The following HYDIN variants were observed in gnomAD, a reference collection of about 807,000 sequenced individuals.
HYDIN encodes the protein axonemal central pair apparatus protein HYDIN.
Under a neutral mutation model 403.9 loss-of-function variants are expected in HYDIN, and 132 were observed. The ratio of observed to expected loss-of-function variants is 0.33; its 90% CI spans 0.28 to 0.38. The LOEUF (loss-of-function observed/expected upper bound fraction) is 0.38, where lower values mean the gene tolerates loss of function less well. HYDIN is among the 10% of genes least tolerant of loss of function. The probability of loss-of-function intolerance (pLI) is 1.00; values close to 1 mark genes in which losing one functional copy is unlikely to be tolerated. For synonymous variants in HYDIN, 1,202 were observed against 1,891.7 expected, an observed-to-expected ratio of 0.64 and a Z score of 9.46; for missense variants, 2,827 against 5,009.5, an observed-to-expected ratio of 0.56 and a Z score of 13.15.
At chr16:70,832,607 G>C (rs1369914881) in intron 80 of HYDIN, among the ~76,000 whole-genome samples, 4 of 152,242 alleles carry the variant, frequency 2.6e-5, no homozygotes, top group Non-Finnish European at 5.9e-5. Context: ...CTTAGAATGT[G>C]ATCTAGCCAG....
At chr16:70,891,040 C>G (rs1056685345) in intron 57 of HYDIN, among the ~76,000 whole-genome samples, 9 of 151,436 alleles carry the variant, frequency 5.9e-5, no homozygotes, top group African/African-American at 1.9e-4. Context: ...ACCAGGACAA[C>G]AGACAAAATT....
At chr16:70,919,392 T>A (rs2076930430) in intron 46 of HYDIN, among the ~76,000 whole-genome samples, 1 of 151,740 alleles carries the variant, frequency 6.6e-6, no homozygotes, top group Non-Finnish European at 1.5e-5. Flanking sequence ...GGGAAGGGCG[T>A]AGAGCTGATG....
chr16:71,230,469 C>CAGGGCG lies in HYDIN; in HGVS notation c.-24+87_-24+92dup. 2.9e-6 allele frequency: 4 copies of CAGGGCG among 1,399,538 alleles called. No individual in the cohort carries two copies. In the South Asian group the frequency reaches 4.5e-5, roughly 16 times the overall value. The allele number at this position is 1,399,538 out of a possible 1,614,324, so 86.7% of individuals were successfully genotyped here. ...GAAAGTCTGGAGAACGCCTGGGACGCAGGGCGAGGACGAGGACGAAAAGAG... is the reference window on the plus strand; with the variant it reads ...GAAAGTCTGGAGAACGCCTGGGACGCAGGGCGAGGGCGAGGACGAGGACGAAAAGAG... On this transcript the variant is annotated intron_variant, in intron 1 of 85. Coordinates refer to ENST00000393567, the MANE Select transcript of HYDIN (RefSeq NM_001270974.2).
At chr16:70,881,880 T>C (rs1420604554) in intron 60 of HYDIN, among the ~76,000 whole-genome samples, 6 of 152,186 alleles carry the variant, frequency 3.9e-5, no homozygotes, top group Non-Finnish European at 7.3e-5. Context: ...TTCATAAAAC[T>C]AGAGTATTTG....
At chr16:71,092,629 G>T (rs1014739883) in intron 11 of HYDIN, among the ~76,000 whole-genome samples, 18 of 150,742 alleles carry the variant, frequency 1.2e-4, no homozygotes, top group Middle Eastern at 3.4e-3. Context: ...TGCCCAGGCT[G>T]GAGTGCAGTG....
chr16:70,949,117 A>G (rs2077977882), intron 41 of HYDIN, among the ~76,000 whole-genome samples: 1 of 152,164 alleles, frequency 6.6e-6, no homozygotes, highest in Admixed American at 6.5e-5. Context: ...ACCATGGAAT[A>G]CTATGCAGCC....
intron 6 of HYDIN, 79 bp from the exon 7 acceptor site, chr16:71,152,862 T>C (rs2085595921): frequency 7.7e-7 from 1 of 1,296,704 alleles, no homozygotes; most frequent in Non-Finnish European, 1.1e-6. Context: ...ACAGGAGTTC[T>C]AGTTCTGCAG....
At chr16:71,195,822 T>C (rs1045869459) in intron 1 of HYDIN, among the ~76,000 whole-genome samples, 1 of 152,150 alleles carries the variant, frequency 6.6e-6, no homozygotes, top group Admixed American at 6.5e-5. Context: ...AAAAGGAAAA[T>C]GCAGATGTAT....
chr16:71,083,859 A>G (rs563005365), intron 12 of HYDIN, among the ~76,000 whole-genome samples: 57 of 125,078 alleles, frequency 4.6e-4, no homozygotes, highest in African/African-American at 1.7e-3. Flanking sequence ...CTTGGTTATC[A>G]GATCAACTGC....
intron 3 of HYDIN, among the ~76,000 whole-genome samples, chr16:71,180,160 G>A (rs1327496237): frequency 6.6e-6 from 1 of 151,164 alleles, no homozygotes; most frequent in East Asian, 1.9e-4. Context: ...ATGACAGAAG[G>A]CACAAAGAAC....
chr16:70,956,294 G>C (rs1005042972), intron 39 of HYDIN, among the ~76,000 whole-genome samples: 1 of 148,746 alleles, frequency 6.7e-6, no homozygotes, highest in Non-Finnish European at 1.5e-5. Context: ...AGATATAACA[G>C]ACAAGAGAAA....
At chr16:71,106,665 C>T (rs376945085) in intron 10 of HYDIN, among the ~76,000 whole-genome samples, 4 of 152,026 alleles carry the variant, frequency 2.6e-5, no homozygotes, top group Non-Finnish European at 5.9e-5. Context: ...TTTTTCCTGT[C>T]TCTGAACATA....
intron 23 of HYDIN, among the ~76,000 whole-genome samples, chr16:70,999,396 C>T (rs1236627484): frequency 1.3e-5 from 2 of 151,846 alleles, no homozygotes; most frequent in Non-Finnish European, 2.9e-5. Context: ...GTAACTGCAG[C>T]TGACCTTATC....
At chr16:71,230,380 G>A (rs2041226812) in intron 1 of HYDIN, among the ~76,000 whole-genome samples, 182 bp downstream of exon 1, 2 of 152,144 alleles carry the variant, frequency 1.3e-5, no homozygotes, top group Admixed American at 1.3e-4. Context: ...ACAAAAATCC[G>A]AGGTCCCGTA....
intron 9 of HYDIN, among the ~76,000 whole-genome samples, chr16:71,126,288 A>G (rs1328008776): frequency 2.0e-5 from 3 of 152,196 alleles, no homozygotes; most frequent in African/African-American, 7.2e-5. Flanking sequence ...TCAAGTGTTC[A>G]TGTAGGGAAA....
At chr16:71,227,674 T>A (rs1384645791) in intron 1 of HYDIN, among the ~76,000 whole-genome samples, 1 of 152,014 alleles carries the variant, frequency 6.6e-6, no homozygotes, top group Non-Finnish European at 1.5e-5. Flanking sequence ...AGGACACAAA[T>A]GGAAGAACAT....
intron 13 of HYDIN, among the ~76,000 whole-genome samples, chr16:71,072,945 G>C (rs2082514260): frequency 6.6e-6 from 1 of 151,742 alleles, no homozygotes; most frequent in Non-Finnish European, 1.5e-5. Context: ...TGACCTTGCA[G>C]TTAAATTATG....
Position 70,931,465 on chromosome 16 carries a change from T to G in HYDIN, c.7158+4487A>C, listed in dbSNP as rs540894567. On this transcript the variant is annotated intron_variant, in intron 45 of 85. Coordinates refer to ENST00000393567, the MANE Select transcript of HYDIN (RefSeq NM_001270974.2). ...GCTACGCAACTGCTTACAGCCTTGC[T>G]ACTCAGAGTGTGACCCAAGAGCCAG... 1.1e-4 allele frequency among the ~76,000 whole-genome samples: 17 copies of G among 152,272 alleles called. No individual in the cohort carries two copies. In the South Asian group the frequency reaches 2.9e-3, roughly 26 times the overall value.
chr16:71,195,129 C>A (rs1388471937), intron 1 of HYDIN, among the ~76,000 whole-genome samples: 1 of 152,094 alleles, frequency 6.6e-6, no homozygotes, highest in Non-Finnish European at 1.5e-5. Flanking sequence ...TGGAATCCAT[C>A]TATCACATCC....
Sources: allele counts gnomAD v4.1 joint callset (sites outside exome capture counted in the v4.1 genomes callset), GRCh38; gene constraint gnomAD v4.1.1; transcripts MANE v1.5; gene names NCBI Gene and HGNC (gene_info 2026-07-23, HGNC 2026-07-21).